The following HECW2 variants were observed in gnomAD, a reference collection of about 807,000 sequenced individuals.
HECW2 encodes the protein E3 ubiquitin-protein ligase HECW2.
In HECW2, 61 loss-of-function variants were observed where a neutral mutation model predicts 175.2. The observed-to-expected ratio is 0.35, with a 90% CI of 0.28 to 0.43. The LOEUF is 0.43. Among genes scored for constraint, HECW2 ranks in the 20% least tolerant of loss-of-function variants. The pLI is 1.00. For missense variants in HECW2, 1,524 were observed against 2,000.5 expected (o/e 0.76, Z 4.54); for synonymous variants, 671 against 731.0 (o/e 0.92, Z 1.32).
At chr2:196,278,251 A>C (rs538973948) in intron 15 of HECW2, among the ~76,000 whole-genome samples, 7 of 145,868 alleles carry the variant, frequency 4.8e-5, no homozygotes, top group African/African-American at 1.7e-4. Flanking sequence ...CGAACATTTT[A>C]GTACATTATC....
chr2:196,222,666 C>A (rs1053820106), intron 23 of HECW2, among the ~76,000 whole-genome samples: 1 of 152,178 alleles, frequency 6.6e-6, no homozygotes, highest in African/African-American at 2.4e-5. Context: ...AGATCAGGAA[C>A]TGGCACTCGG....
chr2:196,391,070 G>C lies in HECW2; in HGVS notation c.292+42062C>G, dbSNP rs115316927. ...CTCCACTGACCTCAAATTTGCAAGT[G>C]GATTTAGTCAACAGGGAGCACCAGC... On this transcript the variant is annotated intron_variant, in intron 2 of 28. Transcript: ENST00000644978. Among the ~76,000 whole-genome samples the C allele has an allele frequency of 5.3e-3, 812 of 152,240 alleles. 3 individuals are homozygous for C. The highest frequency in any genetic ancestry group is 9.2e-3 in the Non-Finnish European group (628 of 68,012).
At chr2:196,268,823 T>C in intron 17 of HECW2, among the ~76,000 whole-genome samples, 1 of 152,222 alleles carries the variant, frequency 6.6e-6, no homozygotes, top group East Asian at 1.9e-4. Context: ...AGGAAGAATT[T>C]TGTTTGTTTT....
intron 1 of HECW2, among the ~76,000 whole-genome samples, chr2:196,563,060 G>A (rs1690060979): frequency 5.3e-5 from 8 of 151,980 alleles, no homozygotes; most frequent in Admixed American, 5.3e-4. Flanking sequence ...TACTAGCTTT[G>A]AGAAACACAC....
At chr2:196,411,537 T>A (rs1251364459) in intron 2 of HECW2, among the ~76,000 whole-genome samples, 1 of 152,222 alleles carries the variant, frequency 6.6e-6, no homozygotes, top group Non-Finnish European at 1.5e-5. Context: ...TCCAGACATC[T>A]AGGGCACTGT....
intron 1 of HECW2, among the ~76,000 whole-genome samples, chr2:196,476,386 T>G (rs1053060937): frequency 9.1e-5 from 13 of 143,528 alleles, no homozygotes; most frequent in African/African-American, 3.1e-4. Context: ...AAGGTTGCAA[T>G]AAACCGGGAT....
rs112669241 is a variant in HECW2, at chr2:196,292,303, T to C, written c.3000+262A>G. On this transcript the variant is annotated intron_variant, in intron 14 of 28. Coordinates refer to ENST00000644978, the MANE Select transcript of HECW2 (RefSeq NM_001348768.2). ...CTAATCAGCAGAGCATAGAGAGAGATGACAGGTAGGAGAGTTTCCAGGGAG... is the reference window on the plus strand; with the variant it reads ...CTAATCAGCAGAGCATAGAGAGAGACGACAGGTAGGAGAGTTTCCAGGGAG... 2,531 of 395,490 alleles carry C rather than the reference T, an allele frequency of 6.4e-3. 44 individuals are homozygous for C. The highest frequency in any genetic ancestry group is 0.047 in the African/African-American group (2,338 of 49,762). The allele number at this position is 395,490 out of a possible 1,614,324, so 24.5% of individuals were successfully genotyped here.
intron 1 of HECW2, among the ~76,000 whole-genome samples, chr2:196,463,558 A>AT (rs1451584084): frequency 6.6e-6 from 1 of 152,234 alleles, no homozygotes; most frequent in Non-Finnish European, 1.5e-5. Context: ...CGTTTGCATT[A>AT]TGACTATAAC....
intron 1 of HECW2, among the ~76,000 whole-genome samples, chr2:196,573,809 T>C (rs190603741): frequency 4.6e-5 from 7 of 152,024 alleles, no homozygotes; most frequent in Admixed American, 4.6e-4. Flanking sequence ...AGTAAAATGA[T>C]CTCTGTTTGC....
rs76803573 is a variant in HECW2, at chr2:196,505,535, A to G, written c.-35-72077T>C. On this transcript the variant is annotated intron_variant, in intron 1 of 28. Coordinates refer to ENST00000644978, the MANE Select transcript of HECW2 (RefSeq NM_001348768.2). ...AGCTTGGGCAACAGAGTGAGACTTC[A>G]TCAAAAAAAAAAGAAGAAAGAGAAA... 9.4e-3 allele frequency among the ~76,000 whole-genome samples: 1,425 copies of G among 152,094 alleles called. 23 individuals carry two copies. The highest frequency in any genetic ancestry group is 0.032 in the African/African-American group (1,328 of 41,502).
chr2:196,248,558 G>A (rs1269563498), intron 19 of HECW2, among the ~76,000 whole-genome samples: 1 of 151,118 alleles, frequency 6.6e-6, no homozygotes, highest in African/African-American at 2.4e-5. Context: ...GAAAGGTGGG[G>A]AAAGGGAGAG....
intron 1 of HECW2, among the ~76,000 whole-genome samples, chr2:196,481,121 AC>A (rs1294381728): frequency 6.6e-6 from 1 of 152,142 alleles, no homozygotes; most frequent in Non-Finnish European, 1.5e-5. Flanking sequence ...TTCTGTGAAA[AC>A]CCATGCCTGC....
At chr2:196,381,354 A>C (rs1694201728) in intron 2 of HECW2, among the ~76,000 whole-genome samples, 1 of 152,186 alleles carries the variant, frequency 6.6e-6, no homozygotes, top group South Asian at 2.1e-4. Context: ...TGAAGGTTTT[A>C]TCTTCATTTC....
At chr2:196,434,955 G>C (rs989085415) in intron 1 of HECW2, among the ~76,000 whole-genome samples, 1 of 152,236 alleles carries the variant, frequency 6.6e-6, no homozygotes, top group South Asian at 2.1e-4. Context: ...AGGGAAGATA[G>C]GGTTTTTTCT....
intron 1 of HECW2, among the ~76,000 whole-genome samples, chr2:196,435,630 G>C (rs1037696279): frequency 6.6e-6 from 1 of 152,208 alleles, no homozygotes; most frequent in Non-Finnish European, 1.5e-5. Context: ...TAAATTATCT[G>C]TATTTAAGCA....
At chr2:196,575,706 C>T (rs772151718) in intron 1 of HECW2, among the ~76,000 whole-genome samples, 22 of 152,064 alleles carry the variant, frequency 1.4e-4, no homozygotes, top group Non-Finnish European at 2.6e-4. Context: ...GTTTATTTAG[C>T]TCATGGTTCT....
At chr2:196,583,176 T>A (rs1365514665) in intron 1 of HECW2, among the ~76,000 whole-genome samples, 1 of 152,216 alleles carries the variant, frequency 6.6e-6, no homozygotes, top group Non-Finnish European at 1.5e-5. Context: ...TTCTTCTTCC[T>A]GTAATCACCA....
chr2:196,552,225 A>G (rs1301456971), intron 1 of HECW2, among the ~76,000 whole-genome samples: 2 of 152,224 alleles, frequency 1.3e-5, no homozygotes, highest in Non-Finnish European at 2.9e-5. Flanking sequence ...TGTAAATCAA[A>G]CTTAAAGCTT....
chr2:196,384,658 C>T (rs997959643), intron 2 of HECW2, among the ~76,000 whole-genome samples: 1 of 152,128 alleles, frequency 6.6e-6, no homozygotes, highest in Non-Finnish European at 1.5e-5. Flanking sequence ...AGTATTTACA[C>T]AATGAAATGA....
Sources: allele counts gnomAD v4.1 joint callset (sites outside exome capture counted in the v4.1 genomes callset), GRCh38; gene constraint gnomAD v4.1.1; transcripts MANE v1.5; gene names NCBI Gene and HGNC (gene_info 2026-07-23, HGNC 2026-07-21).